PTPRF: variants seen among roughly 807,000 people sequenced by gnomAD.
The protein encoded by PTPRF is protein tyrosine phosphatase receptor type F.
Under a neutral mutation model 201.8 loss-of-function variants are expected in PTPRF, and 59 were observed. The observed-to-expected ratio is 0.29, with a 90% CI of 0.24 to 0.36. PTPRF has a LOEUF of 0.36. Ranked by LOEUF, PTPRF falls within the 10% of genes least tolerant of loss-of-function variation. The probability of loss-of-function intolerance (pLI) is 1.00; values close to 1 mark genes in which losing one functional copy is unlikely to be tolerated. For missense variants in PTPRF, 2,132 were observed against 2,690.5 expected (o/e 0.79, Z 4.59); for synonymous variants, 1,088 against 1,089.7 (o/e 1.00, Z 0.03).
intron 5 of PTPRF, among the ~76,000 whole-genome samples, chr1:43,556,499 C>T (rs545864629): frequency 1.4e-4 from 21 of 152,068 alleles, no homozygotes; most frequent in African/African-American, 3.9e-4. Flanking sequence ...TGACCTCGCC[C>T]GCCTTGGCCT....
rs766948527 is a variant in PTPRF, at chr1:43,603,912, A to G, written c.2760A>G (p.Gln920=). 1 of 1,614,062 alleles carries G rather than the reference A, an allele frequency of 6.2e-7. No individual in the cohort carries two copies. The highest frequency in any genetic ancestry group is 8.5e-7 in the Non-Finnish European group (1 of 1,180,026). Residue 920 remains glutamine, a synonymous_variant, in exon 16 of 34, where the codon CAA becomes CAG. Transcript: ENST00000359947. The surrounding 1 kb of genome is among the most constrained non-coding windows in gnomAD (Gnocchi z 5.8). ...AGGACCTGCCCAGCGGCTTCCCCCA[A>G]AACCTGCATGTGACAGGACTGACCA... ...TPEDLPSGFP[Q]NLHVTGLTTS... is the part of the protein sequence containing the mutation.
intron 6 of PTPRF, among the ~76,000 whole-genome samples, chr1:43,573,978 T>C (rs1258151396): frequency 4.0e-4 from 2 of 4,970 alleles, no homozygotes; most frequent in East Asian, 4.5e-3. Context: ...GTGTGGGTTC[T>C]TTTTTTTTTT....
At chr1:43,558,079 G>C (rs1437198197) in intron 5 of PTPRF, among the ~76,000 whole-genome samples, 3 of 152,146 alleles carry the variant, frequency 2.0e-5, no homozygotes, top group Non-Finnish European at 2.9e-5. Context: ...CTCTGGGGTG[G>C]GGCCGGCAGG....
chr1:43,616,051 C>T (rs894754977), intron 23 of PTPRF, among the ~76,000 whole-genome samples: 3 of 151,916 alleles, frequency 2.0e-5, no homozygotes, highest in Non-Finnish European at 4.4e-5. Flanking sequence ...TACCGACAGG[C>T]GTGCAAAAGG....
At chr1:43,533,442 A>G (rs1460400665) in intron 1 of PTPRF, among the ~76,000 whole-genome samples, 21 of 152,036 alleles carry the variant, frequency 1.4e-4, no homozygotes, top group Non-Finnish European at 8.8e-5. Context: ...CCTTTTTTCC[A>G]TCAGCCTGAA....
chr1:43,590,918 G>A, intron 8 of PTPRF, 54 bp from the exon 9 acceptor site: 3 of 1,476,466 alleles, frequency 2.0e-6, no homozygotes, highest in African/African-American at 1.4e-5. Flanking sequence ...GTCTAGGGTT[G>A]GTTCCTAAGG....
chr1:43,606,300 C>G lies in PTPRF; in HGVS notation c.3544C>G (p.Arg1182Gly). Residue 1182 changes from arginine (R) to glycine (G), a missense_variant, in exon 20 of 34, where the codon CGT becomes GGT. By Grantham distance (125) the Arg-to-Gly change is moderately radical. Coordinates refer to ENST00000359947, the MANE Select transcript of PTPRF (RefSeq NM_002840.5). ...EQRRRRRQAE[R>G]LKPYVAAQLD... ...GCGGCGGCGGCGGCGGCAGGCAGAA[C>G]GTCTGAAGCCATATGTGGCTGCTCA... The G allele has an allele frequency of 6.2e-7, 1 of 1,614,048 alleles. No homozygotes were observed. The highest frequency in any genetic ancestry group is 8.5e-7 in the Non-Finnish European group (1 of 1,180,026).
rs754133916 is a variant in PTPRF, at chr1:43,605,385, A to G, written c.3331A>G (p.Ile1111Val). 83 of 1,613,780 alleles carry G rather than the reference A, an allele frequency of 5.1e-5. No individual in the cohort carries two copies. The highest frequency in any genetic ancestry group is 6.6e-5 in the Non-Finnish European group (78 of 1,179,900). The change falls in exon 18 of 34, where the codon ATA (isoleucine) becomes GTA (valine). Residue 1111 changes from isoleucine to valine, a missense_variant. Ile to Val is a conservative substitution (Grantham distance 29). This residue lies in a region of PTPRF where 818 missense variants were observed against 915.3 expected (regional missense o/e 0.89). Transcript: ENST00000359947. ...CAAGCCGCTGCCTGCCTCTGCCTAC[A>G]TAGAGGACGGCCGCTTCGATCTCTC... ...PHKPLPASAY[I>V]EDGRFDLSMP...
At position 43,609,468 on chromosome 1, in the gene PTPRF, G is replaced by A; in HGVS notation, c.3943G>A (p.Glu1315Lys). The A allele has an allele frequency of 6.2e-7, 1 of 1,614,000 alleles. No homozygotes were observed. Among genetic ancestry groups the A allele is most frequent in the Non-Finnish European group, 8.5e-7 (1 of 1,179,958 alleles). The change falls in exon 22 of 34, where the codon GAG (glutamate) becomes AAG (lysine). Residue 1315 changes from glutamate to lysine, a missense_variant. Physicochemically the swap from Glu to Lys is moderately conservative, Grantham distance 56. Transcript: ENST00000359947. ...SLLAHSSDPV[E>K]MRRLNYQTPG... ...GCTGGCCCACTCCTCTGACCCTGTG[G>A]AGATGCGGAGGCTCAACTACCAGAC...
At chr1:43,557,696 G>A (rs1645485792) in intron 5 of PTPRF, among the ~76,000 whole-genome samples, 1 of 152,040 alleles carries the variant, frequency 6.6e-6, no homozygotes, top group South Asian at 2.1e-4. Context: ...CCAGGGGCCA[G>A]CAGTATATGT....
At chr1:43,592,715 C>G (rs1651158026) in intron 11 of PTPRF, 114 bp downstream of exon 11, 1 of 1,258,276 alleles carries the variant, frequency 7.9e-7, no homozygotes, top group Non-Finnish European at 1.0e-6. Flanking sequence ...GTCTGCTGGC[C>G]AAACCGAACT....
intron 10 of PTPRF, 60 bp from the exon 11 acceptor site, chr1:43,592,396 GA>G: frequency 6.5e-7 from 1 of 1,549,408 alleles, no homozygotes; most frequent in Admixed American, 1.8e-5. Context: ...CCATGTTGGG[GA>G]ACAACCTGTG....
Position 43,564,039 on chromosome 1 carries a change from T to G in PTPRF, c.380-5551T>G, listed in dbSNP as rs1645988705. On this transcript the variant is annotated intron_variant, in intron 5 of 33. Transcript: ENST00000359947. Reference sequence around the variant, plus strand: ...GCCAACAGGCCCCAAACAGCTCAGATTGAAAAACAAAACAGGCTTTTAAGA... The same window carrying G: ...GCCAACAGGCCCCAAACAGCTCAGAGTGAAAAACAAAACAGGCTTTTAAGA... Among the ~76,000 whole-genome samples, 3 of 152,064 alleles carry G rather than the reference T, an allele frequency of 2.0e-5. No homozygotes were observed. The South Asian group carries it at 6.2e-4, about 32-fold the overall frequency.
chr1:43,564,116 G>T (rs1645992840), intron 5 of PTPRF, among the ~76,000 whole-genome samples: 1 of 152,198 alleles, frequency 6.6e-6, no homozygotes, highest in Admixed American at 6.5e-5. Flanking sequence ...TTTGCTCTTG[G>T]AAAAACAGCT....
In PTPRF at chr1:43,572,467, G is replaced by A. The variant is rs184003164; in HGVS notation, c.568+2689G>A. On this transcript the variant is annotated intron_variant, in intron 6 of 33. Coordinates refer to ENST00000359947, the MANE Select transcript of PTPRF (RefSeq NM_002840.5). ...TGGGATGGAGCCAGATGGCACCTAA[G>A]GGGCCTCAACCATCCCACCTCTGCA... Among the ~76,000 whole-genome samples, 25 of 152,318 alleles carry A rather than the reference G, an allele frequency of 1.6e-4. No individual in the cohort carries two copies. In the East Asian group the frequency reaches 4.6e-3, roughly 28 times the overall value.
intron 2 of PTPRF, among the ~76,000 whole-genome samples, chr1:43,541,754 G>A (rs1044779092): frequency 1.4e-4 from 22 of 152,186 alleles, no homozygotes; most frequent in African/African-American, 5.1e-4. Flanking sequence ...CAAAGGAAAA[G>A]GATATATTAA....
intron 1 of PTPRF, among the ~76,000 whole-genome samples, chr1:43,531,385 C>T (rs1306440816): frequency 1.3e-5 from 2 of 148,594 alleles, no homozygotes; most frequent in African/African-American, 4.9e-5. Flanking sequence ...TCCACCGCAC[C>T]TTAGCCGCAG....
chr1:43,574,922 C>T (rs550479005), intron 6 of PTPRF, among the ~76,000 whole-genome samples: 3 of 152,362 alleles, frequency 2.0e-5, no homozygotes, highest in Admixed American at 2.0e-4. Context: ...TCTGTTTTCT[C>T]ATTTGAACTT....
chr1:43,579,126 C>T, intron 7 of PTPRF: 1 of 709,012 alleles, frequency 1.4e-6, no homozygotes, highest in Non-Finnish European at 2.6e-6. Context: ...TCCTTCCTTG[C>T]AGGCCCATGG....
Sources: allele counts gnomAD v4.1 joint callset (sites outside exome capture counted in the v4.1 genomes callset), GRCh38; gene constraint gnomAD v4.1.1; regional missense constraint gnomAD v4.1.1; non-coding constraint Gnocchi (gnomAD v3.1); transcripts MANE v1.5; gene names NCBI Gene and HGNC (gene_info 2026-07-23, HGNC 2026-07-21).